Variants in WDFY2 observed in about 807,000 individuals in gnomAD.
The protein encoded by WDFY2 is WD repeat and FYVE domain-containing protein 2.
Under a neutral mutation model 56.4 loss-of-function variants are expected in WDFY2, and 36 were observed. The observed-to-expected ratio is 0.64, with a 90% CI of 0.49 to 0.84. WDFY2 has a LOEUF of 0.84. Ranked by LOEUF, WDFY2 falls within the 40% of genes least tolerant of loss-of-function variation. The probability of loss-of-function intolerance (pLI) is 0.00; values close to 1 mark genes in which losing one functional copy is unlikely to be tolerated. For synonymous variants in WDFY2, 176 were observed against 183.7 expected, an observed-to-expected ratio of 0.96 and a Z score of 0.34; for missense variants, 444 against 512.2, an observed-to-expected ratio of 0.87 and a Z score of 1.29.
At chr13:51,730,984 G>A (rs145445473) in intron 6 of WDFY2, among the ~76,000 whole-genome samples, 2 of 152,204 alleles carry the variant, frequency 1.3e-5, no homozygotes, top group Non-Finnish European at 2.9e-5. Flanking sequence ...AGAGTTTGAA[G>A]CAAAGAAGGT....
intron 10 of WDFY2, 123 bp downstream of exon 10, chr13:51,756,585 C>T (rs549613765): frequency 1.3e-5 from 18 of 1,401,622 alleles, no homozygotes; most frequent in Admixed American, 8.9e-5. Context: ...ATATAGTCCA[C>T]GGCAAGCAGT....
chr13:51,618,044 G>A (rs761802147), intron 1 of WDFY2, among the ~76,000 whole-genome samples: 5 of 152,118 alleles, frequency 3.3e-5, no homozygotes, highest in African/African-American at 7.2e-5. Context: ...TGATGTAGAC[G>A]TACACATTAA....
chr13:51,702,172 C>T (rs1951998901), intron 3 of WDFY2, among the ~76,000 whole-genome samples: 1 of 152,004 alleles, frequency 6.6e-6, no homozygotes, highest in East Asian at 1.9e-4. Flanking sequence ...ATTAGCTGCA[C>T]ATGGTGGCAT....
intron 6 of WDFY2, 59 bp downstream of exon 6, chr13:51,727,849 A>T: frequency 2.7e-6 from 4 of 1,496,150 alleles, no homozygotes; most frequent in Non-Finnish European, 3.7e-6. Context: ...CGCCTGCTGC[A>T]TCTCCTGATG....
In WDFY2 at chr13:51,751,386, G is replaced by A. The variant is rs778225960; in HGVS notation, c.802G>A (p.Val268Ile). Residue 268 changes from valine (V) to isoleucine (I), a missense_variant, in exon 8 of 12, where the codon GTC (valine) becomes ATC (isoleucine). Coordinates refer to ENST00000298125, the MANE Select transcript of WDFY2 (RefSeq NM_052950.4). ...CTGTGGCGGTGATGGTGGGATTGTCGTCTGGAACATGGACGTGGAGAGGCA... is the reference window on the plus strand; with the variant it reads ...CTGTGGCGGTGATGGTGGGATTGTCATCTGGAACATGGACGTGGAGAGGCA... ...ISCGGDGGIV[V>I]WNMDVERQET... 1.5e-5 allele frequency: 25 copies of A among 1,613,958 alleles called. No individual in the cohort carries two copies. Among genetic ancestry groups the A allele is most frequent in the Admixed American group, 1.2e-4 (7 of 60,000 alleles).
chr13:51,712,055 C>T (rs1487427123), intron 4 of WDFY2, among the ~76,000 whole-genome samples: 1 of 152,154 alleles, frequency 6.6e-6, no homozygotes, highest in Non-Finnish European at 1.5e-5. Context: ...CCCAAATGTC[C>T]ATCAATGATA....
chr13:51,634,712 T>C (rs887518596), intron 1 of WDFY2, among the ~76,000 whole-genome samples: 7 of 151,992 alleles, frequency 4.6e-5, no homozygotes, highest in African/African-American at 1.7e-4. Flanking sequence ...GGCTGTTTTT[T>C]TTGTTTTGTT....
At chr13:51,607,781 C>T (rs1350165602) in intron 1 of WDFY2, among the ~76,000 whole-genome samples, 1 of 152,072 alleles carries the variant, frequency 6.6e-6, no homozygotes, top group African/African-American at 2.4e-5. Flanking sequence ...AATGATGAGG[C>T]CCCCCAACAT....
chr13:51,629,776 A>G (rs1788887276), intron 1 of WDFY2, among the ~76,000 whole-genome samples: 1 of 150,562 alleles, frequency 6.6e-6, no homozygotes. Flanking sequence ...TTTCTTCAGT[A>G]ACGGTTCTCT....
At chr13:51,684,056 C>T (rs372231776) in intron 3 of WDFY2, among the ~76,000 whole-genome samples, 6 of 152,092 alleles carry the variant, frequency 3.9e-5, no homozygotes, top group Non-Finnish European at 7.4e-5. Context: ...CTCTCAGTTA[C>T]CAGTGAATGT....
At chr13:51,690,772 C>G (rs560417701) in intron 3 of WDFY2, among the ~76,000 whole-genome samples, 2 of 152,342 alleles carry the variant, frequency 1.3e-5, no homozygotes, top group African/African-American at 2.4e-5. Context: ...AATCGCCACA[C>G]TGACTTCCAC....
At chr13:51,710,824 G>A (rs1952196318) in intron 4 of WDFY2, among the ~76,000 whole-genome samples, 2 of 152,196 alleles carry the variant, frequency 1.3e-5, no homozygotes, top group Admixed American at 1.3e-4. Flanking sequence ...CCATGCTCAT[G>A]GGTAGGAAGA....
At chr13:51,633,027 G>T (rs1007626596) in intron 1 of WDFY2, among the ~76,000 whole-genome samples, 5 of 152,208 alleles carry the variant, frequency 3.3e-5, no homozygotes, top group African/African-American at 1.2e-4. Flanking sequence ...GTGGGGCAGG[G>T]TTGAAGCTGT....
At chr13:51,758,035 C>T (rs914410430) in intron 10 of WDFY2, among the ~76,000 whole-genome samples, 157 bp from the exon 11 acceptor site, 4 of 151,742 alleles carry the variant, frequency 2.6e-5, no homozygotes, top group African/African-American at 9.7e-5. Flanking sequence ...TTTATCATAA[C>T]TGGTCACCAG....
chr13:51,702,549 A>G (rs1464108536), intron 3 of WDFY2, among the ~76,000 whole-genome samples: 1 of 152,196 alleles, frequency 6.6e-6, no homozygotes, highest in African/African-American at 2.4e-5. Flanking sequence ...TGCTTTGTAT[A>G]TTCTCTCACA....
At chr13:51,715,825 C>A (rs1471576515) in intron 4 of WDFY2, among the ~76,000 whole-genome samples, 4 of 152,150 alleles carry the variant, frequency 2.6e-5, no homozygotes, top group Admixed American at 6.5e-5. Context: ...CTAGAACAGC[C>A]ACGCCCTTTC....
chr13:51,744,636 C>T (rs774977384), intron 7 of WDFY2, among the ~76,000 whole-genome samples: 1 of 152,216 alleles, frequency 6.6e-6, no homozygotes, highest in African/African-American at 2.4e-5. Context: ...TGAGGCCATC[C>T]CACTAACTGT....
At chr13:51,615,364 ACT>A (rs1954591212) in intron 1 of WDFY2, among the ~76,000 whole-genome samples, 1 of 152,150 alleles carries the variant, frequency 6.6e-6, no homozygotes. Flanking sequence ...AAAAAAAAAC[ACT>A]GAAACATCAT....
At chr13:51,685,505 T>C (rs1956046191) in intron 3 of WDFY2, among the ~76,000 whole-genome samples, 2 of 152,168 alleles carry the variant, frequency 1.3e-5, no homozygotes, top group African/African-American at 4.8e-5. Flanking sequence ...GTTATATTTA[T>C]TATATACTAT....
Sources: allele counts gnomAD v4.1 joint callset (sites outside exome capture counted in the v4.1 genomes callset), GRCh38; gene constraint gnomAD v4.1.1; transcripts MANE v1.5; gene names NCBI Gene and HGNC (gene_info 2026-07-23, HGNC 2026-07-21).